Variants in MPEG1 observed in about 807,000 individuals in gnomAD.
MPEG1 encodes the protein macrophage expressed 1.
For synonymous variants in MPEG1, 365 were observed against 351.9 expected (o/e 1.04, Z -0.42); for missense variants, 876 against 880.3 (o/e 1.00, Z 0.06).
Position 59,210,912 on chromosome 11 carries a change from G to A in MPEG1, c.1954C>T (p.Leu652=). ...ACCCCAGCTGCAGCCCCTCCTGACA[G>A]ACCACCACCATCCCCATGGATGACA... ...MNVIHGDGGG[L]SGGAAAGVTV... is the part of the protein sequence containing the mutation. The change falls in exon 1 of 1, where the codon CTG becomes TTG. Residue 652 remains leucine, a synonymous_variant. Coordinates refer to ENST00000361050, the MANE Select transcript of MPEG1 (RefSeq NM_001039396.2). 6.2e-7 allele frequency: 1 copy of A among 1,614,158 alleles called. No individual in the cohort carries two copies. Among genetic ancestry groups the A allele is most frequent in the Non-Finnish European group, 8.5e-7 (1 of 1,180,012 alleles).
chr11:59,211,375 G>A lies in MPEG1; in HGVS notation c.1491C>T (p.Cys497=). The A allele has an allele frequency of 2.5e-6, 4 of 1,614,166 alleles. No individual in the cohort carries two copies. The highest frequency in any genetic ancestry group is 3.4e-6 in the Non-Finnish European group (4 of 1,180,030). Residue 497 remains cysteine (C), a synonymous_variant, in exon 1 of 1, where the codon TGC becomes TGT. Coordinates refer to ENST00000361050, the MANE Select transcript of MPEG1 (RefSeq NM_001039396.2). ...GTCTCAGTGGAAAGTAGCCGGCTGG[G>A]CATGACTGTGCATTTGTCATGGGGT... ...SINPMTNAQS[C]PAGYFPLRLF... is the part of the protein sequence containing the mutation.
chr11:59,211,192 G>C lies in MPEG1; in HGVS notation c.1674C>G (p.Pro558=), dbSNP rs371386666. 6.2e-7 allele frequency: 1 copy of C among 1,614,168 alleles called. No homozygotes were observed. The highest frequency in any genetic ancestry group is 2.2e-5 in the East Asian group (1 of 44,886). Residue 558 remains proline (P), a synonymous_variant, in exon 1 of 1, where the codon CCC becomes CCG. Coordinates refer to ENST00000361050, the MANE Select transcript of MPEG1 (RefSeq NM_001039396.2). ...GGGCTGGGTGCTGGCTGAAGCCCCCGGGGCACTTTTTCAGAGACGGTGCCC... is the reference window on the plus strand; with the variant it reads ...GGGCTGGGTGCTGGCTGAAGCCCCCCGGGCACTTTTTCAGAGACGGTGCCC... ...DLGAPSLKKC[P]GGFSQHPALI...
rs767543765 is a variant in MPEG1 at position 59,212,462 on chromosome 11, C to A, written c.404G>T (p.Arg135Met). The change falls in exon 1 of 1, where the codon AGG (arginine) becomes ATG (methionine). Residue 135 changes from arginine to methionine, a missense_variant. Coordinates refer to ENST00000361050, the MANE Select transcript of MPEG1 (RefSeq NM_001039396.2). ...GTCCTTCACTTGGAGGGTCTTCATC[C>A]TCTGGAACTCAGTGGAAAACTTGCC... is the stretch of plus-strand genomic sequence containing the variant. ...VNGKFSTEFQRMKTLQVKDQA... is the reference protein window; with the variant it reads ...VNGKFSTEFQMMKTLQVKDQA... The A allele has an allele frequency of 1.2e-4, 187 of 1,614,070 alleles. No homozygotes were observed. Among genetic ancestry groups the A allele is most frequent in the Non-Finnish European group, 1.5e-4 (181 of 1,180,048 alleles).
rs1862861145 is a variant in MPEG1 at position 59,209,704 on chromosome 11, T to A, written c.*1011A>T. On this transcript the variant is annotated 3_prime_UTR_variant, in exon 1 of 1. Transcript: ENST00000361050. ...CAAATGTGGTCTTACTTTAACTTCT[T>A]GCCTTTGTTACCCCCAGAACCATGC... is the stretch of plus-strand genomic sequence containing the variant. 1.3e-5 allele frequency: 2 copies of A among 151,734 alleles called. No homozygotes were observed. Among genetic ancestry groups the A allele is most frequent in the Admixed American group, 1.3e-4 (2 of 15,184 alleles). 9.4% of individuals were successfully genotyped at this position (151,734 alleles called of 1,614,324 possible). A position where few individuals can be genotyped will look rare whatever the true frequency, so the allele number is the denominator to read the frequency against.
At position 59,210,734 on chromosome 11, in the gene MPEG1, T is replaced by C; in HGVS notation, c.2132A>G (p.Gln711Arg). Residue 711 changes from glutamine (Q) to arginine (R), a missense_variant, in exon 1 of 1, where the codon CAG (glutamine) becomes CGG (arginine). Physicochemically the swap from Gln to Arg is conservative, Grantham distance 43. Coordinates refer to ENST00000361050, the MANE Select transcript of MPEG1 (RefSeq NM_001039396.2). ...AGAGATTTAAGCTGGACTCTGCCCC[T>C]GCTCTTGGTAAGTGGTGTCTCCAGT... ...AATGDTTYQE[Q>R]GQSPA The C allele has an allele frequency of 6.2e-7, 1 of 1,614,094 alleles. No homozygotes were observed. Among genetic ancestry groups the C allele is most frequent in the South Asian group, 1.1e-5 (1 of 91,078 alleles).
At position 59,212,575 on chromosome 11, in the gene MPEG1, G is replaced by C; in HGVS notation, c.291C>G (p.Asn97Lys). 2 of 1,614,218 alleles carry C rather than the reference G, an allele frequency of 1.2e-6. No homozygotes were observed. The highest frequency in any genetic ancestry group is 1.7e-6 in the Non-Finnish European group (2 of 1,180,044). The change falls in exon 1 of 1, where the codon AAC becomes AAG. Residue 97 changes from asparagine (N) to lysine (K), a missense_variant. By Grantham distance (94) the Asn-to-Lys change is moderately conservative. Transcript: ENST00000361050. ...TTGCCCAGGATTCCAGGATTTCTGAGTTCATCTCCAGGTTGCTCTGTTTCT... is the reference window on the plus strand; with the variant it reads ...TTGCCCAGGATTCCAGGATTTCTGACTTCATCTCCAGGTTGCTCTGTTTCT... ...IPQKQSNLEM[N>K]SEILESWANY...
chr11:59,210,601 A>G lies in MPEG1; in HGVS notation c.*114T>C. ...ATTTCCTGGCCCAGAGACCTAAACA[A>G]GAAGTCACGAATATACCTACTTTTG... On this transcript the variant is annotated 3_prime_UTR_variant, in exon 1 of 1. Transcript: ENST00000361050. 1.1e-6 allele frequency: 1 copy of G among 923,344 alleles called. No homozygotes were observed. The highest frequency in any genetic ancestry group is 1.7e-6 in the Non-Finnish European group (1 of 600,980). 57.2% of individuals were successfully genotyped at this position (923,344 alleles called of 1,614,324 possible).
rs1590996658 is a variant in MPEG1 at position 59,211,970 on chromosome 11, T to A, written c.896A>T (p.His299Leu). ...LQAWQQGITN[H>L]LVAIDRSGLP... ...GCCAGAGCGGTCGATGGCCACCAGGTGGTTGGTGATACCCTGCTGCCAGGC... is the reference window on the plus strand; with the variant it reads ...GCCAGAGCGGTCGATGGCCACCAGGAGGTTGGTGATACCCTGCTGCCAGGC... Residue 299 changes from histidine (H) to leucine (L), a missense_variant, in exon 1 of 1, where the codon CAC becomes CTC. His to Leu is a moderately conservative substitution (Grantham distance 99). Coordinates refer to ENST00000361050, the MANE Select transcript of MPEG1 (RefSeq NM_001039396.2). The A allele has an allele frequency of 5.0e-6, 8 of 1,611,022 alleles. No individual in the cohort carries two copies. Among genetic ancestry groups the A allele is most frequent in the Non-Finnish European group, 6.8e-6 (8 of 1,178,024 alleles).
rs750873268 is a variant in MPEG1 at position 59,212,716 on chromosome 11, G to T, written c.150C>A (p.Gly50=). ...LPVLEVLPGG[G]WDNLRNVDMG... ...TGTCCACATTCCGCAGATTGTCCCA[G>T]CCCCCTCCAGGTAGGACTTCCAGGA... Residue 50 remains glycine (G), a synonymous_variant, in exon 1 of 1, where the codon GGC becomes GGA. Transcript: ENST00000361050. 3 of 1,614,166 alleles carry T rather than the reference G, an allele frequency of 1.9e-6. No individual in the cohort carries two copies. The highest frequency in any genetic ancestry group is 2.5e-6 in the Non-Finnish European group (3 of 1,180,018).
chr11:59,212,515 T>G lies in MPEG1; in HGVS notation c.351A>C (p.Thr117=), dbSNP rs754316783. ...YQSSTSYSIN[T]ELSLFSKVNG... ...TGACTTTGGAAAAAAGAGAGAGTTC[T>G]GTGTTGATGGAGTAGGAGGTGCTAC... The change falls in exon 1 of 1, where the codon ACA becomes ACC. Residue 117 remains threonine, a synonymous_variant. Coordinates refer to ENST00000361050, the MANE Select transcript of MPEG1 (RefSeq NM_001039396.2). 6.2e-7 allele frequency: 1 copy of G among 1,614,196 alleles called. No individual in the cohort carries two copies. The highest frequency in any genetic ancestry group is 1.1e-5 in the South Asian group (1 of 91,086).
Position 59,211,158 on chromosome 11 carries a change from C to T in MPEG1, c.1708G>A (p.Asp570Asn), listed in dbSNP as rs755776015. The T allele has an allele frequency of 2.8e-5, 45 of 1,614,096 alleles. No individual in the cohort carries two copies. The highest frequency in any genetic ancestry group is 5.3e-5 in the African/African-American group (4 of 74,924). ...ACGCAATAGGACACTTGGCATCCAT[C>T]GCTGATGAGGGCTGGGTGCTGGCTG... Reference protein sequence around the residue: ...GFSQHPALISDGCQVSYCVKS... With the variant: ...GFSQHPALISNGCQVSYCVKS... Residue 570 changes from aspartate (D) to asparagine (N), a missense_variant, in exon 1 of 1, where the codon GAT (aspartate) becomes AAT (asparagine). Transcript: ENST00000361050.
In MPEG1 at chr11:59,211,657, C is replaced by A. The variant is rs1862894165; in HGVS notation, c.1209G>T (p.Lys403Asn). 4 of 1,614,188 alleles carry A rather than the reference C, an allele frequency of 2.5e-6. No homozygotes were observed. The highest frequency in any genetic ancestry group is 1.7e-5 in the Admixed American group (1 of 60,036). ...DVLLCQKLEQ[K>N]NPLTGDFSCP... The stretch of plus-strand genomic sequence containing the variant: ...AGGAGAAATCACCAGTGAGTGGATT[C>A]TTCTGCTCCAACTTTTGGCAGAGGA... Residue 403 changes from lysine (K) to asparagine (N), a missense_variant, in exon 1 of 1, where the codon AAG becomes AAT. Lys to Asn is a moderately conservative substitution (Grantham distance 94). Coordinates refer to ENST00000361050, the MANE Select transcript of MPEG1 (RefSeq NM_001039396.2).
rs1385464595 is a variant in MPEG1, at chr11:59,210,885, T to TGACCCCAGCTGC, written c.1969_1980dup (p.Ala657_Val660dup). ...GCCAGAATGGTGGTGACCCCCACTG[T>TGACCCCAGCTGC]GACCCCAGCTGCAGCCCCTCCTGAC... is the stretch of plus-strand genomic sequence containing the variant. On this transcript the variant is annotated inframe_insertion, in exon 1 of 1. Transcript: ENST00000361050. The TGACCCCAGCTGC allele has an allele frequency of 6.2e-7, 1 of 1,614,044 alleles. No individual in the cohort carries two copies.
In MPEG1 at chr11:59,208,787, C is replaced by T. The variant is rs1862848640; in HGVS notation, c.*1928G>A. 6.6e-6 allele frequency: 1 copy of T among 152,318 alleles called. No individual in the cohort carries two copies. Among genetic ancestry groups the T allele is most frequent in the East Asian group, 1.9e-4 (1 of 5,190 alleles). 9.4% of individuals were successfully genotyped at this position (152,318 alleles called of 1,614,324 possible). ...TTGATGAATGCAATTGGCAAACTCC[C>T]ATGTTCGGACTTCATATGCATGAGC... On this transcript the variant is annotated 3_prime_UTR_variant, in exon 1 of 1. Transcript: ENST00000361050.
rs1375498411 is a variant in MPEG1 at position 59,211,248 on chromosome 11, G to A, written c.1618C>T (p.Leu540=). The change falls in exon 1 of 1, where the codon CTG becomes TTG. Residue 540 remains leucine, a synonymous_variant. Transcript: ENST00000361050. ...TCTCTGGATATAGCAGGATCTACCA[G>A]GGGGTTCCCAACTGTGCAGCTAAAG... ...GFFSCTVGNP[L]VDPAISRDLG... The A allele has an allele frequency of 7.4e-6, 12 of 1,614,030 alleles. No individual in the cohort carries two copies. Among genetic ancestry groups the A allele is most frequent in the Non-Finnish European group, 9.3e-6 (11 of 1,180,030 alleles).
Position 59,211,485 on chromosome 11 carries a change from T to C in MPEG1, c.1381A>G (p.Arg461Gly), listed in dbSNP as rs1356239918. 6.2e-7 allele frequency: 1 copy of C among 1,614,220 alleles called. No homozygotes were observed. Among genetic ancestry groups the C allele is most frequent in the Admixed American group, 1.7e-5 (1 of 60,034 alleles). Reference sequence around the variant, plus strand: ...CTGCTGGCCACACACCAAAAAGCCCTAAATTCAGCTTTTGCCACCTGGAAC... The same window carrying C: ...CTGCTGGCCACACACCAAAAAGCCCCAAATTCAGCTTTTGCCACCTGGAAC... ...DVFQVAKAEF[R>G]AFWCVASSQV... The change falls in exon 1 of 1, where the codon AGG becomes GGG. Residue 461 changes from arginine (R) to glycine (G), a missense_variant. Coordinates refer to ENST00000361050, the MANE Select transcript of MPEG1 (RefSeq NM_001039396.2).
At position 59,209,115 on chromosome 11, in the gene MPEG1, A is replaced by G. The variant is rs1862855332; in HGVS notation, c.*1600T>C. ...AATGCTTAAGAGGCAGGATCAAGTG[A>G]AGAGGTTACAGAAATCAGTGTCTCT... On this transcript the variant is annotated 3_prime_UTR_variant, in exon 1 of 1. Transcript: ENST00000361050. 1 of 152,194 alleles carries G rather than the reference A, an allele frequency of 6.6e-6. No homozygotes were observed. The highest frequency in any genetic ancestry group is 1.5e-5 in the Non-Finnish European group (1 of 68,036). 9.4% of individuals were successfully genotyped at this position (152,194 alleles called of 1,614,324 possible). A position where few individuals can be genotyped will look rare whatever the true frequency, so the allele number is the denominator to read the frequency against.
Position 59,211,113 on chromosome 11 carries a change from C to T in MPEG1, c.1753G>A (p.Gly585Arg). The T allele has an allele frequency of 1.9e-6, 3 of 1,614,200 alleles. No individual in the cohort carries two copies. The highest frequency in any genetic ancestry group is 1.1e-5 in the South Asian group (1 of 91,082). The change falls in exon 1 of 1, where the codon GGA (glycine) becomes AGA (arginine). Residue 585 changes from glycine (G) to arginine (R), a missense_variant. Transcript: ENST00000361050. Reference sequence around the variant, plus strand: ...AGCCTGGCAGGGGGCAGGGACCCTCCTGTGAAGAGCCCGGATTTGACGCAA... The same window carrying T: ...AGCCTGGCAGGGGGCAGGGACCCTCTTGTGAAGAGCCCGGATTTGACGCAA... ...SYCVKSGLFT[G>R]GSLPPARLPP...
Position 59,211,595 on chromosome 11 carries a change from T to C in MPEG1, c.1271A>G (p.Gln424Arg). 6.2e-7 allele frequency: 1 copy of C among 1,614,196 alleles called. No homozygotes were observed. Among genetic ancestry groups the C allele is most frequent in the Non-Finnish European group, 8.5e-7 (1 of 1,180,012 alleles). Residue 424 changes from glutamine (Q) to arginine (R), a missense_variant, in exon 1 of 1, where the codon CAG becomes CGG. Gln to Arg is a conservative substitution (Grantham distance 43, BLOSUM62 1). Coordinates refer to ENST00000361050, the MANE Select transcript of MPEG1 (RefSeq NM_001039396.2). ...GTGGTTGTAACCCTCCTCGTGGATC[T>C]GGGATAACAGGTGCACCGGGGAGTA... ...SGYSPVHLLS[Q>R]IHEEGYNHLE... is the part of the protein sequence containing the mutation.
Sources: allele counts gnomAD v4.1 joint callset, GRCh38; gene constraint gnomAD v4.1.1; transcripts MANE v1.5; gene names NCBI Gene and HGNC (gene_info 2026-07-23, HGNC 2026-07-21).